The following PRKCB variants were observed in gnomAD, a reference collection of about 807,000 sequenced individuals.
The protein encoded by PRKCB is protein kinase C beta.
A neutral mutation model predicts 81.5 loss-of-function variants in PRKCB; 13 were observed. That is an observed-to-expected ratio of 0.16 (90% CI 0.10 to 0.25). The LOEUF is 0.25. Ranked by LOEUF, PRKCB falls within the 10% of genes least tolerant of loss-of-function variation. The pLI is 1.00. For missense variants in PRKCB, 509 were observed against 875.7 expected, an observed-to-expected ratio of 0.58 and a Z score of 5.29; for synonymous variants, 335 against 321.4, an observed-to-expected ratio of 1.04 and a Z score of -0.45.
At chr16:23,933,378 T>G (rs1418453556) in intron 2 of PRKCB, among the ~76,000 whole-genome samples, 1 of 152,150 alleles carries the variant, frequency 6.6e-6, no homozygotes, top group Non-Finnish European at 1.5e-5. Flanking sequence ...TTGGGGATGA[T>G]ATTTATTGAT....
rs375381593 is a variant in PRKCB, at chr16:23,932,147, T to C, written c.206-56361T>C. 3.9e-5 allele frequency among the ~76,000 whole-genome samples: 6 copies of C among 152,066 alleles called. No individual in the cohort carries two copies. The South Asian group carries it at 6.2e-4, about 16-fold the overall frequency. On this transcript the variant is annotated intron_variant, in intron 2 of 16. Coordinates refer to ENST00000643927, the MANE Select transcript of PRKCB (RefSeq NM_002738.7). ...CAATGGCATGGAAGTGTGAAAAAAA[T>C]AGAATTAAAAGATATAGCAATCTAA...
chr16:23,951,507 C>T (rs1433821531), intron 2 of PRKCB, among the ~76,000 whole-genome samples: 1 of 151,910 alleles, frequency 6.6e-6, no homozygotes, highest in Non-Finnish European at 1.5e-5. Flanking sequence ...TCACTGTAAC[C>T]TCAACTCCAG....
intron 2 of PRKCB, among the ~76,000 whole-genome samples, chr16:23,894,918 C>A (rs1461876882): frequency 6.6e-6 from 1 of 151,978 alleles, no homozygotes; most frequent in African/African-American, 2.4e-5. Flanking sequence ...CTATTTTCAT[C>A]AAAACATCTG....
intron 13 of PRKCB, among the ~76,000 whole-genome samples, chr16:24,183,659 C>T (rs544133056): frequency 2.0e-5 from 3 of 152,206 alleles, no homozygotes; most frequent in Admixed American, 1.3e-4. Context: ...TGAAAGCCAC[C>T]GAGTATCTCA....
intron 2 of PRKCB, among the ~76,000 whole-genome samples, chr16:23,891,937 T>G (rs1963301306): frequency 6.6e-6 from 1 of 152,322 alleles, no homozygotes; most frequent in South Asian, 2.1e-4. Context: ...CCCTACCTTC[T>G]TGTGCAGTTA....
At chr16:24,021,648 G>C (rs1219214297) in intron 3 of PRKCB, among the ~76,000 whole-genome samples, 4 of 151,978 alleles carry the variant, frequency 2.6e-5, no homozygotes, top group Non-Finnish European at 5.9e-5. Context: ...GGACACTGAG[G>C]GGTTCCCACT....
intron 1 of PRKCB, chr16:23,837,073 G>C (rs1000896019): frequency 2.2e-6 from 1 of 461,608 alleles, no homozygotes; most frequent in Admixed American, 3.9e-5. Context: ...GAGGGTGCTC[G>C]GGGCATCTAT....
At chr16:23,927,972 C>T (rs1597249487) in intron 2 of PRKCB, among the ~76,000 whole-genome samples, 2 of 151,956 alleles carry the variant, frequency 1.3e-5, no homozygotes, top group South Asian at 4.2e-4. Flanking sequence ...GTAGTCATTG[C>T]AGTCATGGAG....
chr16:23,943,437 G>A (rs1174243091), intron 2 of PRKCB, among the ~76,000 whole-genome samples: 1 of 152,184 alleles, frequency 6.6e-6, no homozygotes, highest in African/African-American at 2.4e-5. Context: ...GCTGAGGCGG[G>A]AGGATCACTG....
At chr16:24,149,539 A>G (rs1173622381) in intron 9 of PRKCB, among the ~76,000 whole-genome samples, 1 of 152,224 alleles carries the variant, frequency 6.6e-6, no homozygotes, top group Non-Finnish European at 1.5e-5. Flanking sequence ...TATTAAATGA[A>G]TCAATTTTGA....
At chr16:24,115,112 G>C (rs1165564975) in intron 8 of PRKCB, among the ~76,000 whole-genome samples, 1 of 152,218 alleles carries the variant, frequency 6.6e-6, no homozygotes, top group Non-Finnish European at 1.5e-5. Context: ...GTAGAGCAGA[G>C]AAAGCCAAAG....
chr16:24,213,848 T>TG (rs2141995296), intron 16 of PRKCB, among the ~76,000 whole-genome samples: 1 of 152,316 alleles, frequency 6.6e-6, no homozygotes, highest in East Asian at 1.9e-4. Context: ...CTGCCTCAGA[T>TG]GGGGGCCTTT....
At chr16:24,035,761 C>T (rs188764973) in intron 5 of PRKCB, among the ~76,000 whole-genome samples, 2 of 152,280 alleles carry the variant, frequency 1.3e-5, no homozygotes, top group African/African-American at 4.8e-5. Context: ...CTCAAAGCTT[C>T]GTCCATCAGC....
chr16:24,218,872 C>G lies in PRKCB; in HGVS notation c.*4056C>G. On this transcript the variant is annotated 3_prime_UTR_variant, in exon 17 of 17. Transcript: ENST00000643927. The stretch of plus-strand genomic sequence containing the variant: ...CAGCCATGGGGTTGTCCCTCCAGTC[C>G]GAGAGACTGTGATGAGGCCTACATA... The G allele has an allele frequency of 1.0e-6, 1 of 985,412 alleles. No individual in the cohort carries two copies. Among genetic ancestry groups the G allele is most frequent in the Non-Finnish European group, 1.2e-6 (1 of 829,962 alleles). 61.0% of individuals were successfully genotyped at this position (985,412 alleles called of 1,614,324 possible).
chr16:24,181,128 T>C (rs1265109500), intron 13 of PRKCB, among the ~76,000 whole-genome samples, 200 bp downstream of exon 13: 1 of 152,148 alleles, frequency 6.6e-6, no homozygotes, highest in Non-Finnish European at 1.5e-5. Flanking sequence ...AAGCCCAAAA[T>C]ACATCAAGGT....
At chr16:24,021,188 CTCTTTCTT>C (rs58292773) in intron 3 of PRKCB, among the ~76,000 whole-genome samples, 3,378 of 62,044 alleles carry the variant, frequency 0.054, 195 homozygotes, top group East Asian at 0.16. Flanking sequence ...CCCTTCCTTC[CTCTTTCTT>C]TCTTTCTTTC....
chr16:24,200,648 G>A (rs1453800628), intron 16 of PRKCB, among the ~76,000 whole-genome samples: 1 of 152,210 alleles, frequency 6.6e-6, no homozygotes, highest in African/African-American at 2.4e-5. Context: ...GGCAGAAGGT[G>A]AAGGGCAAGA....
At chr16:23,967,572 G>C (rs570919254) in intron 2 of PRKCB, among the ~76,000 whole-genome samples, 5 of 152,336 alleles carry the variant, frequency 3.3e-5, no homozygotes, top group African/African-American at 9.6e-5. Context: ...GAGGTTTTTG[G>C]AGAGGCAGTG....
intron 3 of PRKCB, among the ~76,000 whole-genome samples, chr16:24,018,674 C>T (rs1266066986): frequency 4.6e-5 from 7 of 152,188 alleles, no homozygotes; most frequent in African/African-American, 9.7e-5. Context: ...GGAATAATTA[C>T]GTATTCGCCA....
Sources: allele counts gnomAD v4.1 joint callset (sites outside exome capture counted in the v4.1 genomes callset), GRCh38; gene constraint gnomAD v4.1.1; transcripts MANE v1.5; gene names NCBI Gene and HGNC (gene_info 2026-07-23, HGNC 2026-07-21).